The following SEMA3D variants were observed in gnomAD, a reference collection of about 807,000 sequenced individuals.
The protein encoded by SEMA3D is semaphorin-3D.
A neutral mutation model predicts 100.1 loss-of-function variants in SEMA3D; 84 were observed. The ratio of observed to expected loss-of-function variants is 0.84; its 90% CI spans 0.70 to 1.01. The LOEUF is 1.01. Ranked by LOEUF, SEMA3D falls within the 50% of genes least tolerant of loss-of-function variation. SEMA3D has a pLI of 0.00. For missense variants in SEMA3D, 875 were observed against 934.1 expected (o/e 0.94, Z 0.82); for synonymous variants, 312 against 320.7 (o/e 0.97, Z 0.29).
chr7:85,192,590 C>T, the SEMA3D span, among the ~76,000 whole-genome samples: 1 of 152,096 alleles, frequency 6.6e-6, no homozygotes, highest in African/African-American at 2.4e-5. Flanking sequence ...AACGTCGGAG[C>T]TACTGCTTTT....
chr7:85,016,879 T>G (rs1206282208), intron 15 of SEMA3D, among the ~76,000 whole-genome samples: 2 of 150,346 alleles, frequency 1.3e-5, no homozygotes, highest in East Asian at 2.0e-4. Flanking sequence ...TCTAGGCTCC[T>G]GAGTAGCTGC....
At chr7:85,041,992 C>A (rs1011759407) in intron 10 of SEMA3D, 179 bp downstream of exon 10, 6 of 587,756 alleles carry the variant, frequency 1.0e-5, no homozygotes, top group Non-Finnish European at 1.8e-5. Context: ...TGCATTATGA[C>A]GTGTGCCCAG....
At chr7:85,083,640 C>T (rs1307902486) in intron 4 of SEMA3D, among the ~76,000 whole-genome samples, 3 of 150,550 alleles carry the variant, frequency 2.0e-5, no homozygotes, top group East Asian at 2.0e-4. Context: ...GTCAGGAGAT[C>T]GAGACCATCC....
intron 12 of SEMA3D, among the ~76,000 whole-genome samples, chr7:85,036,240 G>A (rs1407781266): frequency 6.6e-6 from 1 of 151,962 alleles, no homozygotes; most frequent in Non-Finnish European, 1.5e-5. Flanking sequence ...CACTTAAAAT[G>A]CATGTAACAG....
the SEMA3D span, among the ~76,000 whole-genome samples, chr7:85,204,455 A>T: frequency 6.6e-6 from 1 of 152,084 alleles, no homozygotes; most frequent in Non-Finnish European, 1.5e-5. Context: ...TCAGCTTTTA[A>T]CTGGCAGTTA....
chr7:85,227,504 C>T, the SEMA3D span, among the ~76,000 whole-genome samples: 4 of 152,060 alleles, frequency 2.6e-5, no homozygotes, highest in African/African-American at 7.2e-5. Context: ...TTGAATATGC[C>T]AGTACCTTAA....
intron 3 of SEMA3D, among the ~76,000 whole-genome samples, chr7:85,108,980 T>C (rs1789012559): frequency 6.6e-6 from 1 of 152,024 alleles, no homozygotes; most frequent in African/African-American, 2.4e-5. Context: ...TTGTAGACTT[T>C]CATTTCAAAT....
intron 8 of SEMA3D, among the ~76,000 whole-genome samples, chr7:85,061,540 A>G (rs1583884261): frequency 6.6e-6 from 1 of 152,264 alleles, no homozygotes; most frequent in African/African-American, 2.4e-5. Flanking sequence ...CACTTGTCGC[A>G]GTTCATCTGT....
chr7:85,141,039 C>G, intron 2 of SEMA3D: 1 of 775,462 alleles, frequency 1.3e-6, no homozygotes, highest in Non-Finnish European at 1.6e-6. Context: ...TTAATTGTTT[C>G]CACTTTACTC....
chr7:85,036,885 A>C lies in SEMA3D; in HGVS notation c.1191+4T>G, dbSNP rs371374122. The stretch of plus-strand genomic sequence containing the variant: ...ATAATTTGATTATTAAGTTGGATAC[A>C]TACTGTACCAGGCCGTGGATAAGGA... On this transcript the variant is annotated splice_donor_region_variant and intron_variant, in intron 12 of 18. Coordinates refer to ENST00000284136, the MANE Select transcript of SEMA3D (RefSeq NM_001384900.1). 3.1e-6 allele frequency: 5 copies of C among 1,609,820 alleles called. No individual in the cohort carries two copies. The highest frequency in any genetic ancestry group is 4.2e-6 in the Non-Finnish European group (5 of 1,177,324).
intron 17 of SEMA3D, among the ~76,000 whole-genome samples, chr7:85,010,230 G>A (rs1789914203): frequency 6.6e-6 from 1 of 151,808 alleles, no homozygotes; most frequent in Admixed American, 6.6e-5. Context: ...ACAGTGATGT[G>A]AGAGAGGGTC....
At chr7:85,204,160 T>C in the SEMA3D span, among the ~76,000 whole-genome samples, 1 of 152,036 alleles carries the variant, frequency 6.6e-6, no homozygotes, top group Admixed American at 6.6e-5. Flanking sequence ...ATATATAGTG[T>C]AACACTGGAA....
At chr7:85,142,072 A>C (rs1790066646) in intron 2 of SEMA3D, 2 of 984,400 alleles carry the variant, frequency 2.0e-6, no homozygotes, top group African/African-American at 3.5e-5. Flanking sequence ...AGTTTCTGTG[A>C]ACTATACAGA....
intron 3 of SEMA3D, among the ~76,000 whole-genome samples, chr7:85,108,642 CT>C (rs1186709977): frequency 6.6e-6 from 1 of 151,974 alleles, no homozygotes; most frequent in Non-Finnish European, 1.5e-5. Flanking sequence ...CACTGTGCCC[CT>C]GTTATTCTCA....
intron 12 of SEMA3D, chr7:85,027,961 C>A: frequency 1.7e-6 from 1 of 581,334 alleles, no homozygotes. Flanking sequence ...GTCACCTTTA[C>A]GGATACCAAA....
At chr7:85,057,232 T>G (rs1262543310) in intron 8 of SEMA3D, among the ~76,000 whole-genome samples, 1 of 152,172 alleles carries the variant, frequency 6.6e-6, no homozygotes, top group Non-Finnish European at 1.5e-5. Context: ...TTAAGAGGTA[T>G]TCGGCATTTT....
intron 3 of SEMA3D, among the ~76,000 whole-genome samples, chr7:85,102,911 A>C (rs1263785382): frequency 6.6e-6 from 1 of 152,078 alleles, no homozygotes; most frequent in Non-Finnish European, 1.5e-5. Flanking sequence ...AAAACAGCTG[A>C]AAAAACAGTG....
At chr7:85,215,659 G>A in the SEMA3D span, among the ~76,000 whole-genome samples, 2 of 151,864 alleles carry the variant, frequency 1.3e-5, no homozygotes, top group East Asian at 1.9e-4. Context: ...TACTATAACA[G>A]AAATTAAAAT....
intron 6 of SEMA3D, among the ~76,000 whole-genome samples, chr7:85,071,178 G>C (rs190154790): frequency 6.6e-5 from 10 of 152,266 alleles, no homozygotes; most frequent in African/African-American, 2.2e-4. Flanking sequence ...GGCTATATCA[G>C]ATAATTACAC....
Sources: allele counts gnomAD v4.1 joint callset (sites outside exome capture counted in the v4.1 genomes callset), GRCh38; gene constraint gnomAD v4.1.1; transcripts MANE v1.5; gene names NCBI Gene and HGNC (gene_info 2026-07-23, HGNC 2026-07-21).